The following SLC30A3 variants were observed in gnomAD, a reference collection of about 807,000 sequenced individuals.
SLC30A3 encodes probable proton-coupled zinc antiporter SLC30A3.
Under a neutral mutation model 35.6 loss-of-function variants are expected in SLC30A3, and 20 were observed. The ratio of observed to expected loss-of-function variants is 0.56; its 90% CI spans 0.39 to 0.82. The LOEUF is 0.82. SLC30A3 is among the 40% of genes least tolerant of loss of function. The probability of loss-of-function intolerance (pLI) is 0.00; values close to 1 mark genes in which losing one functional copy is unlikely to be tolerated. For synonymous variants in SLC30A3, 217 were observed against 224.7 expected, an observed-to-expected ratio of 0.97 and a Z score of 0.31; for missense variants, 401 against 530.6, an observed-to-expected ratio of 0.76 and a Z score of 2.40.
upstream of SLC30A3, among the ~76,000 whole-genome samples, chr2:27,265,483 G>T (rs1323343337): frequency 6.6e-6 from 1 of 152,220 alleles, no homozygotes; most frequent in African/African-American, 2.4e-5. This position sits in a 1 kb window ranked among gnomAD's most constrained non-coding sequence, Gnocchi z 5.9. Flanking sequence ...TCTGCACTGA[G>T]GTCAGGATTT....
At position 27,255,334 on chromosome 2, in the gene SLC30A3, C is replaced by T; in HGVS notation, c.1145G>A (p.Cys382Tyr). The change falls in exon 8 of 8, where the codon TGC becomes TAC. Residue 382 changes from cysteine (C) to tyrosine (Y), a missense_variant. Cys to Tyr is a radical substitution (Grantham distance 194). Transcript: ENST00000233535. This position sits in a 1 kb window ranked among gnomAD's most constrained non-coding sequence, Gnocchi z 5.2. ...GGCTCAGGCTTGGGGGGGTTCCTGG[C>T]AGCGCAGGCACTGGGCCATCTCCGG... ...YQPEMAQCLRCQEPPQA is the reference protein window; with the variant it reads ...YQPEMAQCLRYQEPPQA 1 of 1,614,088 alleles carries T rather than the reference C, an allele frequency of 6.2e-7. No homozygotes were observed. The highest frequency in any genetic ancestry group is 1.1e-5 in the South Asian group (1 of 91,078).
rs1382071303 is a variant in SLC30A3, at chr2:27,258,731, T to C, written c.277+22A>G. ...GGGCAGGTATTTGGAGAATGGGGTT[T>C]AAGGGCTGCTCCCCAACTTACCGAC... is the stretch of plus-strand genomic sequence containing the variant. On this transcript the variant is annotated intron_variant, in intron 2 of 7. Transcript: ENST00000233535. The surrounding 1 kb of genome is among the most constrained non-coding windows in gnomAD (Gnocchi z 4.0). 1 of 1,613,404 alleles carries C rather than the reference T, an allele frequency of 6.2e-7. No individual in the cohort carries two copies.
At chr2:27,275,458 C>A, upstream of SLC30A3, 1 of 346,164 alleles carries the variant, frequency 2.9e-6, no homozygotes, top group Non-Finnish European at 5.7e-6. Context: ...GTCGACGCTG[C>A]GCACAAGCGC....
At chr2:27,259,253 G>A (rs1464604711) in intron 1 of SLC30A3, among the ~76,000 whole-genome samples, 1 of 152,208 alleles carries the variant, frequency 6.6e-6, no homozygotes, top group African/African-American at 2.4e-5. Context: ...CCAGCACTTT[G>A]GGAGGCCAAG....
At chr2:27,275,185 C>T (rs1218377188) in exon 1 of SLC30A3, 2 of 1,304,072 alleles carry the variant, frequency 1.5e-6, no homozygotes, top group Admixed American at 2.3e-5. Flanking sequence ...ACCTCTCATC[C>T]GCCACGGTCA....
At chr2:27,265,374 A>G (rs1429913260), upstream of SLC30A3, among the ~76,000 whole-genome samples, 2 of 152,238 alleles carry the variant, frequency 1.3e-5, no homozygotes, top group African/African-American at 4.8e-5. The surrounding 1 kb of genome is among the most constrained non-coding windows in gnomAD (Gnocchi z 5.9). Context: ...CTTGGCGGCG[A>G]AACAGGATGC....
intron 1 of SLC30A3, chr2:27,261,914 C>G (rs929494339): frequency 1.3e-5 from 2 of 152,558 alleles, no homozygotes; most frequent in Non-Finnish European, 2.9e-5. Flanking sequence ...ACAGAAGCAC[C>G]ACGTCAGAGA....
chr2:27,259,983 G>A (rs534643180), intron 1 of SLC30A3, among the ~76,000 whole-genome samples: 1 of 152,300 alleles, frequency 6.6e-6, no homozygotes, highest in African/African-American at 2.4e-5. Context: ...GAAGGGCCTT[G>A]AAGGATGGGA....
chr2:27,263,201 C>A (rs184083753), upstream of SLC30A3: 877 of 955,628 alleles, frequency 9.2e-4, 8 homozygotes, highest in East Asian at 0.012. Flanking sequence ...CGCGCCAGAG[C>A]CCGGGAGCGC....
chr2:27,274,849 T>C (rs1490059936), intron 1 of SLC30A3, among the ~76,000 whole-genome samples: 1 of 152,224 alleles, frequency 6.6e-6, no homozygotes, highest in Non-Finnish European at 1.5e-5. Context: ...TTGGGTTACA[T>C]TATGGGACAT....
Position 27,271,328 on chromosome 2 carries a change from GTT to G in SLC30A3, c.-159+3847_-159+3848del, listed in dbSNP as rs1233302835. On this transcript the variant is annotated intron_variant, in intron 1 of 5. Coordinates refer to the SLC30A3 transcript ENST00000424577. This position sits in a 1 kb window ranked among gnomAD's most constrained non-coding sequence, Gnocchi z 4.3. ...GTGGGTAAACAAGGGATGCTTCTTC[GTT>G]TTCTCCATGAGAGACCAAATGGCTC... Among the ~76,000 whole-genome samples, 1 of 152,112 alleles carries G rather than the reference GTT, an allele frequency of 6.6e-6. No homozygotes were observed. The highest frequency in any genetic ancestry group is 1.5e-5 in the Non-Finnish European group (1 of 68,030).
At position 27,273,994 on chromosome 2, in the gene SLC30A3, G is replaced by T. The variant is rs903120213; in HGVS notation, c.-159+1183C>A. Among the ~76,000 whole-genome samples the T allele has an allele frequency of 3.9e-5, 6 of 152,112 alleles. No homozygotes were observed. In the South Asian group the frequency reaches 1.2e-3, roughly 32 times the overall value. On this transcript the variant is annotated intron_variant, in intron 1 of 5. Coordinates refer to the SLC30A3 transcript ENST00000424577. ...GAAGGAGCTGGCGCAATGGGGGTTG[G>T]CGCAATGGCTTCAAGGAGGCTGGCA...
At chr2:27,256,709 A>G in intron 6 of SLC30A3, 79 bp downstream of exon 6, 2 of 1,313,676 alleles carry the variant, frequency 1.5e-6, no homozygotes, top group Non-Finnish European at 2.1e-6. Context: ...TACTATCTTC[A>G]AAGAAAAAAG....
chr2:27,272,870 G>A (rs1230018891), intron 1 of SLC30A3, among the ~76,000 whole-genome samples: 12 of 151,622 alleles, frequency 7.9e-5, no homozygotes, highest in Non-Finnish European at 1.6e-4. Context: ...TGGGCAACAT[G>A]ATGAAACCCT....
At chr2:27,259,733 T>C (rs1029689029) in intron 1 of SLC30A3, among the ~76,000 whole-genome samples, 4 of 152,156 alleles carry the variant, frequency 2.6e-5, no homozygotes, top group African/African-American at 9.7e-5. Context: ...CCCAGTTAGT[T>C]GCTAGAGCTG....
rs756074649 is a variant in SLC30A3 at position 27,258,659 on chromosome 2, C to T, written c.277+94G>A. On this transcript the variant is annotated intron_variant, in intron 2 of 7. Transcript: ENST00000233535. This position sits in a 1 kb window ranked among gnomAD's most constrained non-coding sequence, Gnocchi z 4.0. ...CCTATCCCAGCCATCCCCATCTCTG[C>T]ATCTGCACCCAGGAACATTCCTGGG... The T allele has an allele frequency of 1.8e-4, 243 of 1,375,750 alleles. No homozygotes were observed. Among genetic ancestry groups the T allele is most frequent in the Non-Finnish European group, 2.4e-4 (232 of 979,030 alleles). The allele number at this position is 1,375,750 out of a possible 1,614,324, so 85.2% of individuals were successfully genotyped here. A position where few individuals can be genotyped will look rare whatever the true frequency, so the allele number is the denominator to read the frequency against.
chr2:27,263,056 C>G, upstream of SLC30A3: 1 of 1,362,960 alleles, frequency 7.3e-7, no homozygotes, highest in Non-Finnish European at 9.4e-7. Context: ...CTGTGGCGCG[C>G]GGAGTCCGAA....
rs866466243 is a variant in SLC30A3, at chr2:27,273,055, T to A, written c.-159+2122A>T. Among the ~76,000 whole-genome samples, 355 of 146,404 alleles carry A rather than the reference T, an allele frequency of 2.4e-3. 2 individuals carry two copies. The highest frequency in any genetic ancestry group is 2.6e-3 in the Non-Finnish European group (175 of 66,702). Reference sequence around the variant, plus strand: ...CTTGTCTCAAAAAAAAAAAAAAATATATATATATATATGGATAGATATAGA... The same window carrying A: ...CTTGTCTCAAAAAAAAAAAAAAATAAATATATATATATGGATAGATATAGA... On this transcript the variant is annotated intron_variant, in intron 1 of 5. Coordinates refer to the SLC30A3 transcript ENST00000424577.
rs1676715484 is a variant in SLC30A3 at position 27,254,155 on chromosome 2, C to T, written c.*1157G>A. ...GGGTTGAGGGGTCCCTACCGCTGGACACCTTAGATGGCCTGAGAACCAAGC... is the reference window on the plus strand; with the variant it reads ...GGGTTGAGGGGTCCCTACCGCTGGATACCTTAGATGGCCTGAGAACCAAGC... On this transcript the variant is annotated 3_prime_UTR_variant, in exon 8 of 8. Coordinates refer to ENST00000233535, the MANE Select transcript of SLC30A3 (RefSeq NM_003459.5). 1 of 152,238 alleles carries T rather than the reference C, an allele frequency of 6.6e-6. No homozygotes were observed. The highest frequency in any genetic ancestry group is 1.5e-5 in the Non-Finnish European group (1 of 68,062). 9.4% of individuals were successfully genotyped at this position (152,238 alleles called of 1,614,324 possible). A position where few individuals can be genotyped will look rare whatever the true frequency, so the allele number is the denominator to read the frequency against.
Sources: gnomAD v4.1 joint callset for allele counts (sites outside exome capture counted in the v4.1 genomes callset) on GRCh38, gnomAD v4.1.1 for gene constraint, Gnocchi (gnomAD v3.1) non-coding constraint, MANE v1.5 for transcripts, NCBI Gene and HGNC (gene_info 2026-07-23, HGNC 2026-07-21) for gene names.